Variants in HS3ST4 observed in about 807,000 individuals in gnomAD.
The protein encoded by HS3ST4 is heparan sulfate-glucosamine 3-sulfotransferase 4.
A neutral mutation model predicts 29.2 loss-of-function variants in HS3ST4; 17 were observed. That is an observed-to-expected ratio of 0.58 (90% confidence interval 0.40 to 0.87). The LOEUF (loss-of-function observed/expected upper bound fraction) is 0.87, where lower values mean the gene tolerates loss of function less well. Ranked by LOEUF, HS3ST4 falls within the 40% of genes least tolerant of loss-of-function variation. The pLI, the probability that HS3ST4 is intolerant of heterozygous loss-of-function variation, is 0.00. For missense variants in HS3ST4, 627 were observed against 634.5 expected, an observed-to-expected ratio of 0.99 and a Z score of 0.13; for synonymous variants, 314 against 285.7, an observed-to-expected ratio of 1.10 and a Z score of -1.00.
intron 1 of HS3ST4, among the ~76,000 whole-genome samples, chr16:26,036,654 C>T (rs113469389): frequency 0.076 from 11,565 of 152,208 alleles, 732 homozygotes; most frequent in African/African-American, 0.18. Context: ...CCATGTCTCT[C>T]CAGAGATATT....
chr16:25,766,650 C>A (rs1337001601), intron 1 of HS3ST4, among the ~76,000 whole-genome samples: 1 of 152,178 alleles, frequency 6.6e-6, no homozygotes, highest in Non-Finnish European at 1.5e-5. Flanking sequence ...ATATGTCAGA[C>A]ACTGTAATAA....
intron 1 of HS3ST4, among the ~76,000 whole-genome samples, chr16:25,970,971 C>T (rs1968891515): frequency 6.6e-6 from 1 of 152,100 alleles, no homozygotes. Flanking sequence ...CTGTCTCAGC[C>T]TCCTGAGTAG....
chr16:26,117,155 G>T (rs552840452), intron 1 of HS3ST4, among the ~76,000 whole-genome samples: 2 of 152,274 alleles, frequency 1.3e-5, no homozygotes, highest in East Asian at 3.9e-4. Context: ...CTCCCTGTGG[G>T]GACTAAGGAA....
chr16:25,879,512 A>G (rs1374565894), intron 1 of HS3ST4, among the ~76,000 whole-genome samples: 1 of 152,124 alleles, frequency 6.6e-6, no homozygotes, highest in African/African-American at 2.4e-5. Context: ...TTTTAAAACC[A>G]TCAGATCTCC....
chr16:26,083,230 T>A (rs1284446177), intron 1 of HS3ST4, among the ~76,000 whole-genome samples: 1 of 152,232 alleles, frequency 6.6e-6, no homozygotes, highest in Non-Finnish European at 1.5e-5. Flanking sequence ...ATTGGAATGA[T>A]GCCTATTATT....
At chr16:25,903,890 C>G (rs1968148149) in intron 1 of HS3ST4, among the ~76,000 whole-genome samples, 1 of 152,194 alleles carries the variant, frequency 6.6e-6, no homozygotes, top group South Asian at 2.1e-4. Flanking sequence ...CATTTGACCA[C>G]TATTTTCCAA....
chr16:26,098,084 A>G (rs976435799), intron 1 of HS3ST4, among the ~76,000 whole-genome samples: 1 of 152,204 alleles, frequency 6.6e-6, no homozygotes, highest in Non-Finnish European at 1.5e-5. Context: ...TCAGGAAACA[A>G]CAGATGCCAG....
chr16:25,737,999 G>A (rs1966622476), intron 1 of HS3ST4, among the ~76,000 whole-genome samples: 1 of 151,652 alleles, frequency 6.6e-6, no homozygotes, highest in Non-Finnish European at 1.5e-5. Context: ...CCGCCTCCTG[G>A]GTTCAAGCAA....
At chr16:25,999,021 T>C (rs189719609) in intron 1 of HS3ST4, among the ~76,000 whole-genome samples, 6 of 152,302 alleles carry the variant, frequency 3.9e-5, no homozygotes, top group African/African-American at 1.4e-4. Flanking sequence ...CTTTCTCATT[T>C]TTTTGTAATA....
intron 1 of HS3ST4, among the ~76,000 whole-genome samples, chr16:25,770,263 A>G (rs947655239): frequency 3.3e-5 from 5 of 152,184 alleles, no homozygotes; most frequent in African/African-American, 1.2e-4. Context: ...GTGAGAAAGA[A>G]AACATATTCT....
At chr16:26,112,150 C>G (rs1365982361) in intron 1 of HS3ST4, among the ~76,000 whole-genome samples, 1 of 151,994 alleles carries the variant, frequency 6.6e-6, no homozygotes, top group Non-Finnish European at 1.5e-5. Flanking sequence ...AGCTTGGAGT[C>G]CATGGAAGCT....
At chr16:25,834,771 C>G (rs1967340720) in intron 1 of HS3ST4, among the ~76,000 whole-genome samples, 1 of 152,146 alleles carries the variant, frequency 6.6e-6, no homozygotes. Flanking sequence ...CATGGCGAAA[C>G]TCTGTCTCTA....
chr16:25,730,169 G>A (rs1388323039), intron 1 of HS3ST4, among the ~76,000 whole-genome samples: 1 of 152,094 alleles, frequency 6.6e-6, no homozygotes, highest in Admixed American at 6.5e-5. Flanking sequence ...TATGTCCTGG[G>A]TCTTGCTCTG....
intron 1 of HS3ST4, among the ~76,000 whole-genome samples, chr16:25,771,488 G>A (rs932531165): frequency 6.6e-6 from 1 of 151,808 alleles, no homozygotes; most frequent in Non-Finnish European, 1.5e-5. Flanking sequence ...CTCTCTGCTT[G>A]GTGTACCTTT....
chr16:26,055,668 C>A (rs1042070793), intron 1 of HS3ST4, among the ~76,000 whole-genome samples: 5 of 152,166 alleles, frequency 3.3e-5, no homozygotes, highest in African/African-American at 1.2e-4. Context: ...TCCTGTAAAC[C>A]TAGTCACTAT....
intron 1 of HS3ST4, among the ~76,000 whole-genome samples, chr16:25,930,897 AAAAAACAAAAAC>A (rs1303826665): frequency 1.6e-4 from 24 of 152,120 alleles, no homozygotes; most frequent in African/African-American, 3.6e-4. Context: ...TTTCCTTCTG[AAAAAACAAAAAC>A]AAAAACAAAA....
chr16:25,804,506 G>C (rs1041498731), intron 1 of HS3ST4, among the ~76,000 whole-genome samples: 6 of 152,094 alleles, frequency 3.9e-5, no homozygotes, highest in African/African-American at 1.4e-4. Context: ...ATTTTACAAA[G>C]TCTGTGTTTT....
chr16:25,861,610 G>A (rs1967637910), intron 1 of HS3ST4, among the ~76,000 whole-genome samples: 1 of 152,092 alleles, frequency 6.6e-6, no homozygotes, highest in Non-Finnish European at 1.5e-5. Flanking sequence ...ACAGGCACCA[G>A]CAACTCAGGC....
chr16:25,944,749 A>T (rs1968608918), intron 1 of HS3ST4, among the ~76,000 whole-genome samples: 2 of 152,040 alleles, frequency 1.3e-5, no homozygotes, highest in Admixed American at 6.5e-5. Flanking sequence ...CTCCTCTTTC[A>T]TTATAAGTTC....
Sources: gnomAD v4.1 joint callset for allele counts (sites outside exome capture counted in the v4.1 genomes callset) on GRCh38, gnomAD v4.1.1 for gene constraint, MANE v1.5 for transcripts, NCBI Gene and HGNC (gene_info 2026-07-23, HGNC 2026-07-21) for gene names.